Variants in KDM4C observed in about 807,000 individuals in gnomAD.
The protein encoded by KDM4C is lysine-specific demethylase 4C.
In KDM4C, 81 loss-of-function variants were observed where a neutral mutation model predicts 129.3. The observed-to-expected ratio is 0.63, with a 90% CI of 0.52 to 0.75. KDM4C has a LOEUF of 0.75. KDM4C is among the 30% of genes least tolerant of loss of function. The pLI is 0.00. For synonymous variants in KDM4C, 573 were observed against 456.1 expected, an observed-to-expected ratio of 1.26 and a Z score of -3.26; for missense variants, 1,457 against 1,304.0, an observed-to-expected ratio of 1.12 and a Z score of -1.81.
intron 8 of KDM4C, among the ~76,000 whole-genome samples, chr9:6,922,682 G>T (rs1210401478): frequency 6.6e-6 from 1 of 152,244 alleles, no homozygotes; most frequent in Non-Finnish European, 1.5e-5. Flanking sequence ...GGGAGATTGA[G>T]GTTGCAGTGA....
At chr9:6,834,300 GTGCTGAGATTACAGC>G (rs1432812342) in intron 4 of KDM4C, among the ~76,000 whole-genome samples, 3 of 152,030 alleles carry the variant, frequency 2.0e-5, no homozygotes, top group African/African-American at 7.3e-5. Context: ...GCCTCCCAAA[GTGCTGAGATTACAGC>G]ATGAGCCACC....
chr9:6,846,130 A>G (rs1405633955), intron 4 of KDM4C, among the ~76,000 whole-genome samples: 3 of 152,210 alleles, frequency 2.0e-5, no homozygotes, highest in Non-Finnish European at 4.4e-5. Context: ...CCTGAACCTC[A>G]GATCTTTGTT....
At chr9:6,835,227 G>A in intron 4 of KDM4C, 3 of 909,658 alleles carry the variant, frequency 3.3e-6, no homozygotes, top group Non-Finnish European at 5.6e-6. Context: ...GCTGCCCTGA[G>A]GCACTCTTCC....
chr9:6,981,250 GA>G (rs1413736024), intron 9 of KDM4C, 132 bp downstream of exon 9: 1 of 648,164 alleles, frequency 1.5e-6, no homozygotes, highest in Non-Finnish European at 2.5e-6. Context: ...GAAAATGTGA[GA>G]CATTATTTTT....
At chr9:7,112,804 A>ACTGTGAGAT (rs749217219) in intron 18 of KDM4C, among the ~76,000 whole-genome samples, 16 of 152,156 alleles carry the variant, frequency 1.1e-4, no homozygotes, top group Non-Finnish European at 2.2e-4. Flanking sequence ...AATTTAGCTA[A>ACTGTGAGAT]CACTTATCTC....
intron 17 of KDM4C, among the ~76,000 whole-genome samples, chr9:7,088,491 T>C (rs1393247801): frequency 3.9e-5 from 6 of 152,234 alleles, no homozygotes; most frequent in African/African-American, 9.6e-5. Context: ...CTTCTAAAAT[T>C]TGAGTCTGTT....
intron 15 of KDM4C, among the ~76,000 whole-genome samples, chr9:7,020,864 T>C (rs12375685): frequency 0.39 from 58,778 of 151,428 alleles, 11,646 homozygotes; most frequent in South Asian, 0.52. Flanking sequence ...TAAATTATTT[T>C]TGACTGTAGT....
intron 12 of KDM4C, among the ~76,000 whole-genome samples, chr9:6,998,626 C>T (rs1272738160): frequency 3.3e-5 from 5 of 152,020 alleles, no homozygotes; most frequent in Non-Finnish European, 7.4e-5. Context: ...CAAAACCCTG[C>T]CTCTACTAAA....
At chr9:6,914,727 T>G (rs968823865) in intron 8 of KDM4C, among the ~76,000 whole-genome samples, 1 of 152,216 alleles carries the variant, frequency 6.6e-6, no homozygotes, top group Non-Finnish European at 1.5e-5. Context: ...ACAAAAGGGC[T>G]TGAGGAAGCA....
intron 17 of KDM4C, among the ~76,000 whole-genome samples, chr9:7,065,824 A>G (rs1374159454): frequency 3.3e-5 from 5 of 152,202 alleles, no homozygotes; most frequent in African/African-American, 9.7e-5. Context: ...GTTGACCCAT[A>G]TTTAATTCTA....
intron 4 of KDM4C, among the ~76,000 whole-genome samples, chr9:6,820,030 G>C (rs937954417): frequency 6.6e-6 from 1 of 151,886 alleles, no homozygotes; most frequent in South Asian, 2.1e-4. Flanking sequence ...TTTGGTGGGG[G>C]TGGGAGTTCT....
chr9:7,052,083 T>G (rs1434042052), intron 17 of KDM4C, among the ~76,000 whole-genome samples: 1 of 152,228 alleles, frequency 6.6e-6, no homozygotes, highest in African/African-American at 2.4e-5. Context: ...AATATCTTGG[T>G]TGGAAGAACT....
intron 19 of KDM4C, among the ~76,000 whole-genome samples, chr9:7,161,207 G>A (rs953139747): frequency 1.3e-5 from 2 of 152,132 alleles, no homozygotes; most frequent in African/African-American, 4.8e-5. Context: ...TGGGGCAGGC[G>A]TGTCCCATTT....
chr9:7,173,825 C>G (rs879384918), intron 21 of KDM4C, among the ~76,000 whole-genome samples: 3 of 152,184 alleles, frequency 2.0e-5, no homozygotes, highest in Admixed American at 1.3e-4. Context: ...TTTGTGATGC[C>G]TGCTGGGGAA....
At chr9:6,806,524 A>AATAAATAC (rs1407710418) in intron 3 of KDM4C, among the ~76,000 whole-genome samples, 1 of 151,662 alleles carries the variant, frequency 6.6e-6, no homozygotes. Flanking sequence ...TAAATAAATA[A>AATAAATAC]ATAAATAAAT....
chr9:6,855,872 A>G (rs1839718083), intron 5 of KDM4C, among the ~76,000 whole-genome samples: 1 of 152,144 alleles, frequency 6.6e-6, no homozygotes, highest in Admixed American at 6.5e-5. Context: ...CCCACTATTC[A>G]TTCATTCATT....
intron 8 of KDM4C, among the ~76,000 whole-genome samples, chr9:6,947,447 G>A (rs2131460243): frequency 6.6e-6 from 1 of 152,028 alleles, no homozygotes; most frequent in East Asian, 1.9e-4. Context: ...GTTTAGATAA[G>A]GTTAATCATA....
At chr9:6,822,306 T>G (rs186356475) in intron 4 of KDM4C, among the ~76,000 whole-genome samples, 2 of 152,380 alleles carry the variant, frequency 1.3e-5, no homozygotes, top group East Asian at 3.9e-4. Context: ...AGAAAATGTT[T>G]GTCAGCCCCT....
intron 4 of KDM4C, among the ~76,000 whole-genome samples, chr9:6,842,548 A>T (rs1588640647): frequency 6.6e-6 from 1 of 151,964 alleles, no homozygotes; most frequent in Non-Finnish European, 1.5e-5. Flanking sequence ...CATGTTGACC[A>T]GGGTAGTCTA....
Sources: gnomAD v4.1 joint callset for allele counts (sites outside exome capture counted in the v4.1 genomes callset) on GRCh38, gnomAD v4.1.1 for gene constraint, MANE v1.5 for transcripts, NCBI Gene and HGNC (gene_info 2026-07-23, HGNC 2026-07-21) for gene names.